The following PCDHGB5 variants were observed in gnomAD, a reference collection of about 807,000 sequenced individuals.
PCDHGB5 encodes protocadherin gamma subfamily B, 5.
A neutral mutation model predicts 62.9 loss-of-function variants in PCDHGB5; 48 were observed. The ratio of observed to expected loss-of-function variants is 0.76; its 90% CI spans 0.61 to 0.97. The LOEUF is 0.97. PCDHGB5 is among the 50% of genes least tolerant of loss of function. PCDHGB5 has a pLI of 0.00. For synonymous variants in PCDHGB5, 474 were observed against 511.2 expected (o/e 0.93, Z 0.98); for missense variants, 1,118 against 1,198.6 (o/e 0.93, Z 0.99).
chr5:141,434,566 G>A (rs1280487112), intron 1 of PCDHGB5, among the ~76,000 whole-genome samples: 1 of 152,196 alleles, frequency 6.6e-6, no homozygotes, highest in African/African-American at 2.4e-5. Flanking sequence ...TTAAGGACAT[G>A]CCCCTGCTGC....
chr5:141,490,157 G>A lies in PCDHGB5; in HGVS notation c.2398-4650G>A. 6.2e-7 allele frequency: 1 copy of A among 1,614,210 alleles called. No homozygotes were observed. On this transcript the variant is annotated intron_variant, in intron 1 of 3. Transcript: ENST00000617380. The surrounding 1 kb of genome is among the most constrained non-coding windows in gnomAD (Gnocchi z 5.4). ...AGCAGTGGGGCAATCCATGTGTTGG[G>A]TCCCATAGACTTTGAGGAGTCACGT...
At chr5:141,467,768 C>T (rs2099151160) in intron 1 of PCDHGB5, among the ~76,000 whole-genome samples, 2 of 151,794 alleles carry the variant, frequency 1.3e-5, no homozygotes, top group African/African-American at 2.4e-5. Flanking sequence ...CTCAAGTGCC[C>T]GCACCTCAGC....
chr5:141,499,634 C>A (rs1194596079), intron 2 of PCDHGB5, among the ~76,000 whole-genome samples: 1 of 151,220 alleles, frequency 6.6e-6, no homozygotes, highest in Non-Finnish European at 1.5e-5. Flanking sequence ...TCTTTTGAAG[C>A]AAATCTCAGA....
intron 1 of PCDHGB5, among the ~76,000 whole-genome samples, chr5:141,488,738 A>G (rs1462948813): frequency 1.3e-5 from 2 of 152,222 alleles, no homozygotes; most frequent in Non-Finnish European, 2.9e-5. Context: ...TTCTGAAGTC[A>G]TGCAGGAAGT....
Position 141,431,137 on chromosome 5 carries a change from T to G in PCDHGB5, c.2397+30613T>G. 3 of 1,614,212 alleles carry G rather than the reference T, an allele frequency of 1.9e-6. No individual in the cohort carries two copies. The highest frequency in any genetic ancestry group is 2.2e-5 in the South Asian group (2 of 91,084). On this transcript the variant is annotated intron_variant, in intron 1 of 3. Coordinates refer to ENST00000617380, the MANE Select transcript of PCDHGB5 (RefSeq NM_018925.3). This position sits in a 1 kb window ranked among gnomAD's most constrained non-coding sequence, Gnocchi z 4.8. Reference sequence around the variant, plus strand: ...GAGTAGAAGTAGAAGTAAGGGACATTAACGACAATGCGCCTTACTTTCGTG... The same window carrying G: ...GAGTAGAAGTAGAAGTAAGGGACATGAACGACAATGCGCCTTACTTTCGTG...
At chr5:141,419,959 T>C (rs765017440) in intron 1 of PCDHGB5, 5 of 1,614,104 alleles carry the variant, frequency 3.1e-6, no homozygotes, top group Non-Finnish European at 3.4e-6. Flanking sequence ...CCTTGATTTC[T>C]GTGCTCTTTC....
At chr5:141,421,999 T>C in intron 1 of PCDHGB5, 1 of 1,609,214 alleles carries the variant, frequency 6.2e-7, no homozygotes, top group Non-Finnish European at 8.5e-7. Context: ...AAACATCAGC[T>C]CCGGAACTCG....
chr5:141,426,542 T>C, intron 1 of PCDHGB5: 1 of 347,918 alleles, frequency 2.9e-6, no homozygotes, highest in South Asian at 2.2e-5. Context: ...AACATACTTG[T>C]GAGTGACAGA....
At position 141,493,906 on chromosome 5, in the gene PCDHGB5, G is replaced by A. The variant is rs2099750764; in HGVS notation, c.2398-901G>A. ...CTCTAGGAGTGCTCCATGAGAGTGT[G>A]TGATGGGATAACACACCCCCTGGAA... is the stretch of plus-strand genomic sequence containing the variant. On this transcript the variant is annotated intron_variant, in intron 1 of 3. Transcript: ENST00000617380. The surrounding 1 kb of genome is among the most constrained non-coding windows in gnomAD (Gnocchi z 4.3). Among the ~76,000 whole-genome samples the A allele has an allele frequency of 6.6e-6, 1 of 152,200 alleles. No individual in the cohort carries two copies. Among genetic ancestry groups the A allele is most frequent in the Non-Finnish European group, 1.5e-5 (1 of 68,032 alleles).
chr5:141,432,960 G>C lies in PCDHGB5; in HGVS notation c.2397+32436G>C. ...CAGGCTTCAGGAGGCGGCTTGACAG[G>C]AGCGCCGGCGTCGCACTTTGTGGGC... On this transcript the variant is annotated intron_variant, in intron 1 of 3. Transcript: ENST00000617380. This position sits in a 1 kb window ranked among gnomAD's most constrained non-coding sequence, Gnocchi z 6.0. The C allele has an allele frequency of 2.5e-6, 4 of 1,614,188 alleles. No homozygotes were observed. The highest frequency in any genetic ancestry group is 3.4e-6 in the Non-Finnish European group (4 of 1,180,034).
chr5:141,422,800 C>T, intron 1 of PCDHGB5: 1 of 1,614,214 alleles, frequency 6.2e-7, no homozygotes, highest in Non-Finnish European at 8.5e-7. Context: ...CGACTATGAG[C>T]AGTTTCGAGA....
At position 141,510,965 on chromosome 5, in the gene PCDHGB5, C is replaced by T. The variant is rs1473736492; in HGVS notation, c.2564C>T (p.Ser855Phe). The T allele has an allele frequency of 3.1e-6, 5 of 1,614,026 alleles. No homozygotes were observed. The highest frequency in any genetic ancestry group is 4.2e-6 in the Non-Finnish European group (5 of 1,180,020). The change falls in exon 4 of 4, where the codon TCC becomes TTC. Residue 855 changes from serine (S) to phenylalanine (F), a missense_variant. Around this residue, in one of 2 missense-constraint regions of PCDHGB5, gnomAD observed 1,034 missense variants for 1,029.1 expected, o/e 1.00. Transcript: ENST00000617380. ...TCTGCAGAAGCTGCTGATGGGAGCT[C>T]CACCCTGGGAGGGGGTGCCGGCACC... ...ASASEAADGS[S>F]TLGGGAGTMG...
chr5:141,399,203 G>A lies in PCDHGB5; in HGVS notation c.1076G>A (p.Gly359Glu). ...LEMILENAVP[G>E]TLIALIKIHD... ...ATGATTCTGGAAAACGCGGTGCCTG[G>A]AACACTAATTGCTTTGATCAAAATA... Residue 359 changes from glycine to glutamate, a missense_variant, in exon 1 of 4, where the codon GGA becomes GAA. Coordinates refer to ENST00000617380, the MANE Select transcript of PCDHGB5 (RefSeq NM_018925.3). The A allele has an allele frequency of 6.2e-7, 1 of 1,613,940 alleles. No homozygotes were observed.
chr5:141,491,407 G>A lies in PCDHGB5; in HGVS notation c.2398-3400G>A. ...GAAGTGCCTTCAGGGAAACGCAGAC[G>A]GGGACGGGGGTGGAGGGCAGTGCTG... is the stretch of plus-strand genomic sequence containing the variant. On this transcript the variant is annotated intron_variant, in intron 1 of 3. Transcript: ENST00000617380. The surrounding 1 kb of genome is among the most constrained non-coding windows in gnomAD (Gnocchi z 6.9). The A allele has an allele frequency of 6.2e-7, 1 of 1,614,116 alleles. No individual in the cohort carries two copies. The highest frequency in any genetic ancestry group is 8.5e-7 in the Non-Finnish European group (1 of 1,180,000).
chr5:141,431,916 T>C lies in PCDHGB5; in HGVS notation c.2397+31392T>C, dbSNP rs2097428336. 1 of 1,614,056 alleles carries C rather than the reference T, an allele frequency of 6.2e-7. No homozygotes were observed. Among genetic ancestry groups the C allele is most frequent in the Middle Eastern group, 1.6e-4 (1 of 6,062 alleles). ...GAAAACGGACAGGTGATCTGTTTCA[T>C]CCAAGGAAATCTGCCCTTTAAATTA... On this transcript the variant is annotated intron_variant, in intron 1 of 3. Transcript: ENST00000617380. The surrounding 1 kb of genome is among the most constrained non-coding windows in gnomAD (Gnocchi z 4.8).
At chr5:141,425,491 C>G (rs1243033082) in intron 1 of PCDHGB5, among the ~76,000 whole-genome samples, 1 of 152,200 alleles carries the variant, frequency 6.6e-6, no homozygotes, top group Non-Finnish European at 1.5e-5. Context: ...ACCTACTAGG[C>G]TATACCTTTA....
chr5:141,473,894 T>C (rs1224416966), intron 1 of PCDHGB5, among the ~76,000 whole-genome samples: 1 of 152,134 alleles, frequency 6.6e-6, no homozygotes, highest in Non-Finnish European at 1.5e-5. Context: ...GTTCTGTTGG[T>C]TCATGAAGAG....
chr5:141,415,062 G>C, intron 1 of PCDHGB5: 1 of 1,613,426 alleles, frequency 6.2e-7, no homozygotes, highest in Non-Finnish European at 8.5e-7. Context: ...ACACGGGCGA[G>C]GTGCGCACGG....
chr5:141,410,419 TC>T (rs769125626), intron 1 of PCDHGB5: 1 of 1,613,886 alleles, frequency 6.2e-7, no homozygotes, highest in South Asian at 1.1e-5. Flanking sequence ...GACCTGTAGT[TC>T]CCCCCAACTA....
Sources: allele counts gnomAD v4.1 joint callset (sites outside exome capture counted in the v4.1 genomes callset), GRCh38; gene constraint gnomAD v4.1.1; regional missense constraint gnomAD v4.1.1; non-coding constraint Gnocchi (gnomAD v3.1); transcripts MANE v1.5; gene names NCBI Gene and HGNC (gene_info 2026-07-23, HGNC 2026-07-21).